Variants in TP53I11 observed in about 807,000 individuals in gnomAD.
TP53I11 encodes the protein tumor protein p53-inducible protein 11.
In TP53I11, 9 loss-of-function variants were observed where a neutral mutation model predicts 23.3. The observed-to-expected ratio is 0.39, with a 90% confidence interval of 0.23 to 0.67. The LOEUF (loss-of-function observed/expected upper bound fraction) is 0.67, where lower values mean the gene tolerates loss of function less well. Among genes scored for constraint, TP53I11 ranks in the 30% least tolerant of loss-of-function variants. The pLI is 0.48. For missense variants in TP53I11, 170 were observed against 255.2 expected (o/e 0.67, Z 2.27); for synonymous variants, 100 against 106.1 (o/e 0.94, Z 0.35).
Position 44,935,024 on chromosome 11 carries a change from G to A in TP53I11, c.437-7C>T. ...GCTAGCGTGGCAGTGACCACTGTGGGAGAGAGTCCAGCAAGGCCACAGGGT... is the reference window on the plus strand; with the variant it reads ...GCTAGCGTGGCAGTGACCACTGTGGAAGAGAGTCCAGCAAGGCCACAGGGT... On this transcript the variant is annotated splice_polypyrimidine_tract_variant and splice_region_variant and intron_variant, in intron 6 of 6. Transcript: ENST00000525680. The A allele has an allele frequency of 6.2e-7, 1 of 1,611,068 alleles. No individual in the cohort carries two copies. Among genetic ancestry groups the A allele is most frequent in the South Asian group, 1.1e-5 (1 of 91,082 alleles).
chr11:44,944,566 A>G (rs1862209450), intron 1 of TP53I11, among the ~76,000 whole-genome samples: 1 of 152,208 alleles, frequency 6.6e-6, no homozygotes, highest in Non-Finnish European at 1.5e-5. Context: ...TTGGGGATAC[A>G]AGAGTCAGAA....
At chr11:44,950,380 C>CG (rs1364511002) in intron 1 of TP53I11, among the ~76,000 whole-genome samples, 1 of 152,090 alleles carries the variant, frequency 6.6e-6, no homozygotes, top group African/African-American at 2.4e-5. Flanking sequence ...ACCGCGGAGC[C>CG]GGGGGAGAGG....
chr11:44,938,462 G>C, intron 1 of TP53I11, 96 bp from the exon 2 acceptor site: 2 of 1,346,838 alleles, frequency 1.5e-6, no homozygotes, highest in South Asian at 1.6e-5. Flanking sequence ...CCCCACACCA[G>C]GCCTGCTGAG....
intron 1 of TP53I11, among the ~76,000 whole-genome samples, chr11:44,942,201 C>G: frequency 7.1e-6 from 1 of 140,750 alleles, no homozygotes; most frequent in Non-Finnish European, 1.5e-5. Flanking sequence ...CCACACATAC[C>G]CACCACGCAC....
chr11:44,937,092 G>A, intron 4 of TP53I11, 193 bp from the exon 5 acceptor site: 1 of 759,994 alleles, frequency 1.3e-6, no homozygotes, highest in Non-Finnish European at 2.1e-6. Flanking sequence ...CCTGGGAGAA[G>A]GAGTCAGGCC....
rs564424905 is a variant in TP53I11 at position 44,938,231 on chromosome 11, G to C, written c.105C>G (p.Asp35Glu). The C allele has an allele frequency of 7.4e-6, 12 of 1,612,994 alleles. No individual in the cohort carries two copies. Among genetic ancestry groups the C allele is most frequent in the Non-Finnish European group, 1.0e-5 (12 of 1,179,688 alleles). Residue 35 changes from aspartate to glutamate, a missense_variant, in exon 2 of 7, where the codon GAC becomes GAG. Transcript: ENST00000525680. ...CCTTGGAGCGATGCACCTCCCCGTC[G>C]TCATCCTCCCCGCCCACGCCGAGGA... ...RKILGVGGEDDDGEVHRSKIS... is the reference protein window; with the variant it reads ...RKILGVGGEDEDGEVHRSKIS...
intron 1 of TP53I11, among the ~76,000 whole-genome samples, chr11:44,943,359 A>G (rs928843612): frequency 3.3e-5 from 5 of 152,134 alleles, no homozygotes; most frequent in African/African-American, 9.7e-5. Flanking sequence ...TTCCCCCAGG[A>G]GCCAGGCTGC....
At position 44,936,920 on chromosome 11, in the gene TP53I11, TCA is replaced by T; in HGVS notation, c.238-23_238-22del. On this transcript the variant is annotated intron_variant, in intron 4 of 6. Coordinates refer to ENST00000525680, the MANE Select transcript of TP53I11 (RefSeq NM_006034.5). This position sits in a 1 kb window ranked among gnomAD's most constrained non-coding sequence, Gnocchi z 4.4. ...AGCGCCTGCGGGCAGCGAGAGGGGC[TCA>T]GAGGTCCCGCTTGGGAGAGGGTGGG... 6.4e-7 allele frequency: 1 copy of T among 1,570,848 alleles called. No individual in the cohort carries two copies. The highest frequency in any genetic ancestry group is 1.7e-4 in the Middle Eastern group (1 of 5,746).
In TP53I11 at chr11:44,937,549, G is replaced by T. The variant is rs750998854; in HGVS notation, c.188+6C>A. On this transcript the variant is annotated splice_donor_region_variant and intron_variant, in intron 3 of 6. Coordinates refer to ENST00000525680, the MANE Select transcript of TP53I11 (RefSeq NM_006034.5). ...CCCTCCCCCAAAAAGTCAGGTAAAT[G>T]CTCACCTGAGCCCCAAAGGCTCCCG... 4 of 1,613,338 alleles carry T rather than the reference G, an allele frequency of 2.5e-6. No individual in the cohort carries two copies. Among genetic ancestry groups the T allele is most frequent in the Non-Finnish European group, 3.4e-6 (4 of 1,179,696 alleles).
Position 44,935,030 on chromosome 11 carries a change from G to A in TP53I11, c.437-13C>T. 1 of 1,612,998 alleles carries A rather than the reference G, an allele frequency of 6.2e-7. No homozygotes were observed. The highest frequency in any genetic ancestry group is 8.5e-7 in the Non-Finnish European group (1 of 1,179,932). ...GTGGCAGTGACCACTGTGGGAGAGA[G>A]TCCAGCAAGGCCACAGGGTCAGAGG... is the stretch of plus-strand genomic sequence containing the variant. On this transcript the variant is annotated splice_polypyrimidine_tract_variant and intron_variant, in intron 6 of 6. Coordinates refer to ENST00000525680, the MANE Select transcript of TP53I11 (RefSeq NM_006034.5).
At chr11:44,935,955 C>T (rs1861063712) in intron 5 of TP53I11, 1 of 490,304 alleles carries the variant, frequency 2.0e-6, no homozygotes, top group African/African-American at 1.9e-5. Context: ...AGGGGGAGGA[C>T]TGAGCCCCTG....
chr11:44,946,698 C>T (rs890134056), intron 1 of TP53I11, among the ~76,000 whole-genome samples: 2 of 152,332 alleles, frequency 1.3e-5, no homozygotes, highest in Non-Finnish European at 2.9e-5. Flanking sequence ...TCACTGGGCT[C>T]GGAGACAGGA....
chr11:44,949,813 G>A (rs897944706), intron 1 of TP53I11, among the ~76,000 whole-genome samples: 1 of 152,184 alleles, frequency 6.6e-6, no homozygotes. Flanking sequence ...GGGGAGAGTG[G>A]GGGGCGTCTC....
In TP53I11 at chr11:44,936,769, C is replaced by T. The variant is rs1590743106; in HGVS notation, c.334+34G>A. ...CCCGCTGGGTCTCCCAGCTGCCCGT[C>T]GCCTCCCCCAGGGCCCGCCCCAGCA... On this transcript the variant is annotated intron_variant, in intron 5 of 6. Transcript: ENST00000525680. The surrounding 1 kb of genome is among the most constrained non-coding windows in gnomAD (Gnocchi z 4.4). 1 of 1,491,968 alleles carries T rather than the reference C, an allele frequency of 6.7e-7. No homozygotes were observed. Among genetic ancestry groups the T allele is most frequent in the Non-Finnish European group, 8.9e-7 (1 of 1,122,064 alleles). 92.4% of individuals were successfully genotyped at this position (1,491,968 alleles called of 1,614,324 possible).
chr11:44,948,333 C>A (rs1463866695), intron 1 of TP53I11, among the ~76,000 whole-genome samples: 1 of 152,150 alleles, frequency 6.6e-6, no homozygotes, highest in Non-Finnish European at 1.5e-5. Context: ...TCACTCCCTG[C>A]TAGCTGCAGG....
intron 1 of TP53I11, among the ~76,000 whole-genome samples, chr11:44,945,863 G>A (rs59886025): frequency 6.6e-6 from 1 of 152,164 alleles, no homozygotes; most frequent in Non-Finnish European, 1.5e-5. Flanking sequence ...TGCGTCATCC[G>A]CTCCAGCTGC....
Position 44,934,724 on chromosome 11 carries a change from G to T in TP53I11, c.*160C>A. 1.0e-6 allele frequency: 1 copy of T among 955,662 alleles called. No homozygotes were observed. Among genetic ancestry groups the T allele is most frequent in the Non-Finnish European group, 1.5e-6 (1 of 658,824 alleles). The allele number at this position is 955,662 out of a possible 1,614,324, so 59.2% of individuals were successfully genotyped here. On this transcript the variant is annotated 3_prime_UTR_variant, in exon 7 of 7. Transcript: ENST00000525680. Reference sequence around the variant, plus strand: ...AAAGCCCAGGAGATCACAGCACACGGGGTGCCCAGGAGGAAAGGAAGGCCC... The same window carrying T: ...AAAGCCCAGGAGATCACAGCACACGTGGTGCCCAGGAGGAAAGGAAGGCCC...
chr11:44,948,996 C>T (rs984784096), intron 1 of TP53I11, among the ~76,000 whole-genome samples: 8 of 152,212 alleles, frequency 5.3e-5, no homozygotes, highest in Non-Finnish European at 1.2e-4. Flanking sequence ...TAGCCCTCCA[C>T]TCCAAATTTG....
intron 1 of TP53I11, among the ~76,000 whole-genome samples, chr11:44,939,931 C>T (rs981976082): frequency 2.6e-5 from 4 of 152,232 alleles, no homozygotes; most frequent in Admixed American, 2.0e-4. Context: ...GTCCCACACC[C>T]GGCACACAAG....
Sources: allele counts gnomAD v4.1 joint callset (sites outside exome capture counted in the v4.1 genomes callset), GRCh38; gene constraint gnomAD v4.1.1; non-coding constraint Gnocchi (gnomAD v3.1); transcripts MANE v1.5; gene names NCBI Gene and HGNC (gene_info 2026-07-23, HGNC 2026-07-21).